The following TBC1D5 variants were observed in gnomAD, a reference collection of about 807,000 sequenced individuals.
TBC1D5 encodes the protein TBC1 domain family member 5.
In TBC1D5, 75 loss-of-function variants were observed where a neutral mutation model predicts 100.3. The ratio of observed to expected loss-of-function variants is 0.75; its 90% CI spans 0.62 to 0.91. The LOEUF is 0.91. Among genes scored for constraint, TBC1D5 ranks in the 40% least tolerant of loss-of-function variants. The probability of loss-of-function intolerance (pLI) is 0.00; values close to 1 mark genes in which losing one functional copy is unlikely to be tolerated. For missense variants in TBC1D5, 910 were observed against 942.4 expected (o/e 0.97, Z 0.45); for synonymous variants, 323 against 325.6 (o/e 0.99, Z 0.09).
At chr3:17,735,043 T>C (rs988181577) in intron 1 of TBC1D5, among the ~76,000 whole-genome samples, 1 of 151,970 alleles carries the variant, frequency 6.6e-6, no homozygotes, top group Non-Finnish European at 1.5e-5. Context: ...CAGTGAGCTG[T>C]GATCGTGCCA....
At chr3:17,360,532 C>T (rs1044046413) in intron 13 of TBC1D5, among the ~76,000 whole-genome samples, 2 of 151,840 alleles carry the variant, frequency 1.3e-5, no homozygotes, top group African/African-American at 4.8e-5. Context: ...ACTATTTTGG[C>T]CTATCAGTTT....
chr3:17,363,691 G>C (rs2091905730), intron 13 of TBC1D5, among the ~76,000 whole-genome samples: 2 of 151,648 alleles, frequency 1.3e-5, no homozygotes, highest in South Asian at 4.2e-4. Context: ...GCGATTATAA[G>C]CATGAGCCAC....
intron 2 of TBC1D5, among the ~76,000 whole-genome samples, chr3:17,550,280 A>T (rs1473516274): frequency 1.3e-5 from 2 of 152,164 alleles, no homozygotes; most frequent in African/African-American, 4.8e-5. Context: ...TTAAATGGGT[A>T]AGGTCAGGGT....
At chr3:17,403,990 G>C (rs1435374262) in intron 7 of TBC1D5, among the ~76,000 whole-genome samples, 1 of 151,930 alleles carries the variant, frequency 6.6e-6, no homozygotes, top group Non-Finnish European at 1.5e-5. Flanking sequence ...TACAGAACTT[G>C]GTTTTATAAT....
chr3:17,513,415 A>G (rs142073078), intron 2 of TBC1D5, among the ~76,000 whole-genome samples: 41 of 152,264 alleles, frequency 2.7e-4, no homozygotes, highest in Non-Finnish European at 5.3e-4. Flanking sequence ...ATAAAATAAT[A>G]AGTTAGTTTA....
chr3:17,267,978 A>G (rs1207185276), intron 15 of TBC1D5, among the ~76,000 whole-genome samples: 1 of 152,136 alleles, frequency 6.6e-6, no homozygotes, highest in African/African-American at 2.4e-5. Flanking sequence ...GAACTTTGAA[A>G]TTTCTAAGTG....
intron 13 of TBC1D5, among the ~76,000 whole-genome samples, chr3:17,347,837 AAAC>A (rs1278266420): frequency 6.6e-6 from 1 of 152,168 alleles, no homozygotes; most frequent in Non-Finnish European, 1.5e-5. Flanking sequence ...CATCTCTAAA[AAAC>A]AACAACAAAA....
At position 17,593,711 on chromosome 3, in the gene TBC1D5, C is replaced by T. The variant is rs554822058; in HGVS notation, c.-36+30138G>A. ...TCATTTTACAGCTAAAGAAGTGCAG[C>T]GGTGGGCTTATGCTCATGGAATTCA... On this transcript the variant is annotated intron_variant, in intron 2 of 21. Coordinates refer to ENST00000253692, the Ensembl canonical transcript of TBC1D5. Among the ~76,000 whole-genome samples the T allele has an allele frequency of 8.5e-5, 13 of 152,270 alleles. No individual in the cohort carries two copies. The South Asian group carries it at 1.0e-3, about 12-fold the overall frequency.
chr3:17,738,403 T>A (rs201731775), intron 1 of TBC1D5, among the ~76,000 whole-genome samples: 2,543 of 148,666 alleles, frequency 0.017, 47 homozygotes, highest in South Asian at 0.048. Flanking sequence ...ACACACACAC[T>A]CTCTCTCTCT....
At chr3:17,550,815 T>C (rs1162923544) in intron 2 of TBC1D5, among the ~76,000 whole-genome samples, 1 of 152,250 alleles carries the variant, frequency 6.6e-6, no homozygotes, top group East Asian at 1.9e-4. Flanking sequence ...TACCACATAA[T>C]ATAAAGTGAA....
rs190498772 is a variant in TBC1D5 at position 17,708,057 on chromosome 3, G to A, written c.-101+31286C>T. ...AGGAATAACTAGAGATAAAGTTGAC[G>A]CCCACTGTTCACCACCCCCAGTGGC... On this transcript the variant is annotated intron_variant, in intron 1 of 21. Transcript: ENST00000253692. Among the ~76,000 whole-genome samples, 30 of 152,110 alleles carry A rather than the reference G, an allele frequency of 2.0e-4. 1 individual carries two copies. In the East Asian group the frequency reaches 2.1e-3, roughly 11 times the overall value.
chr3:17,200,012 T>C (rs1436504890), intron 18 of TBC1D5, among the ~76,000 whole-genome samples: 2 of 152,150 alleles, frequency 1.3e-5, no homozygotes, highest in Non-Finnish European at 2.9e-5. Context: ...GAACAACTGA[T>C]GAGCTAGAGA....
At chr3:17,406,085 AC>A (rs1466065053) in intron 5 of TBC1D5, among the ~76,000 whole-genome samples, 1 of 152,002 alleles carries the variant, frequency 6.6e-6, no homozygotes, top group African/African-American at 2.4e-5. Flanking sequence ...CTAAAAGTTA[AC>A]CCCCGACCAC....
Position 17,441,384 on chromosome 3 carries a change from G to A in TBC1D5, c.98-12865C>T, listed in dbSNP as rs563120463. On this transcript the variant is annotated intron_variant, in intron 3 of 21. Coordinates refer to ENST00000253692, the Ensembl canonical transcript of TBC1D5. ...AACAGAATAATGTGACAGTGACTGT[G>A]GGAGGTTGCTCTTTGAAGATGAAGG... 2.6e-5 allele frequency among the ~76,000 whole-genome samples: 4 copies of A among 152,324 alleles called. No homozygotes were observed. In the South Asian group the frequency reaches 8.3e-4, roughly 32 times the overall value.
intron 16 of TBC1D5, among the ~76,000 whole-genome samples, chr3:17,254,768 G>GGA (rs1697678065): frequency 1.0e-5 from 1 of 99,830 alleles, no homozygotes; most frequent in Admixed American, 1.3e-4. Flanking sequence ...GGCGGGGGTG[G>GGA]GGGGGGGGTC....
chr3:17,328,458 G>A (rs2086452741), intron 13 of TBC1D5, among the ~76,000 whole-genome samples: 1 of 152,040 alleles, frequency 6.6e-6, no homozygotes, highest in Non-Finnish European at 1.5e-5. Context: ...TGTCCACCTT[G>A]AATCATCTAG....
chr3:17,576,176 C>T (rs374332335), intron 2 of TBC1D5, among the ~76,000 whole-genome samples: 26 of 152,104 alleles, frequency 1.7e-4, no homozygotes, highest in African/African-American at 5.5e-4. Context: ...AACACGTACA[C>T]GTGTTTAAGA....
chr3:17,258,593 T>C lies in TBC1D5; in HGVS notation c.1246-2A>G. 1 of 1,578,384 alleles carries C rather than the reference T, an allele frequency of 6.3e-7. No homozygotes were observed. The highest frequency in any genetic ancestry group is 8.7e-7 in the Non-Finnish European group (1 of 1,155,118). On this transcript the variant is annotated splice_acceptor_variant, in intron 15 of 21. Transcript: ENST00000253692. LOFTEE classifies it high-confidence loss of function. Reference sequence around the variant, plus strand: ...ATAAGTCACTGGTCTTGGATTTCTCTAAAAAAAAATACATTTTTAAAAAGC... The same window carrying C: ...ATAAGTCACTGGTCTTGGATTTCTCCAAAAAAAAATACATTTTTAAAAAGC...
intron 2 of TBC1D5, among the ~76,000 whole-genome samples, chr3:17,613,619 C>T (rs151118578): frequency 2.8e-4 from 42 of 152,304 alleles, no homozygotes; most frequent in African/African-American, 9.9e-4. Context: ...TTTTGACTTG[C>T]ATTTCTCTGA....
Sources: allele counts gnomAD v4.1 joint callset (sites outside exome capture counted in the v4.1 genomes callset), GRCh38; gene constraint gnomAD v4.1.1; transcripts MANE v1.5; gene names NCBI Gene and HGNC (gene_info 2026-07-23, HGNC 2026-07-21).